The following CREB3L4 variants were observed in gnomAD, a reference collection of about 807,000 sequenced individuals.
The protein encoded by CREB3L4 is cAMP responsive element binding protein 3 like 4.
In CREB3L4, 28 loss-of-function variants were observed where a neutral mutation model predicts 37.0. That is an observed-to-expected ratio of 0.76 (90% CI 0.56 to 1.04). The LOEUF (loss-of-function observed/expected upper bound fraction) is 1.04. Among genes scored for constraint, CREB3L4 ranks in the 50% least tolerant of loss-of-function variants. CREB3L4 has a pLI of 0.00. For missense variants in CREB3L4, 462 were observed against 486.0 expected, an observed-to-expected ratio of 0.95 and a Z score of 0.46; for synonymous variants, 175 against 192.2, an observed-to-expected ratio of 0.91 and a Z score of 0.74.
chr1:153,973,762 G>A, intron 9 of CREB3L4, 46 bp downstream of exon 9: 1 of 1,558,576 alleles, frequency 6.4e-7, no homozygotes. Flanking sequence ...GCAAGGGAGG[G>A]GGACTCTGTT....
Position 153,973,026 on chromosome 1 carries a change from G to A in CREB3L4, c.691G>A (p.Ala231Thr), listed in dbSNP as rs138766752. The A allele has an allele frequency of 7.6e-5, 122 of 1,614,064 alleles. No individual in the cohort carries two copies. The highest frequency in any genetic ancestry group is 9.7e-5 in the Non-Finnish European group (114 of 1,180,050). ...VRRKIRNKQS[A>T]QDSRRRKKEY... ...GAGGAAAATCCGTAACAAGCAGTCA[G>A]CTCAGGACAGTCGGCGGCGGAAGAA... is the stretch of plus-strand genomic sequence containing the variant. Residue 231 changes from alanine (A) to threonine (T), a missense_variant, in exon 6 of 10, where the codon GCT (alanine) becomes ACT (threonine). Ala to Thr is a moderately conservative substitution (Grantham distance 58, BLOSUM62 0). Transcript: ENST00000368607.
chr1:153,968,921 C>T lies in CREB3L4; in HGVS notation c.175-9C>T, dbSNP rs757762343. 1 of 1,596,244 alleles carries T rather than the reference C, an allele frequency of 6.3e-7. No individual in the cohort carries two copies. On this transcript the variant is annotated splice_polypyrimidine_tract_variant and intron_variant, in intron 2 of 9. Transcript: ENST00000368607. The stretch of plus-strand genomic sequence containing the variant: ...CCCTGCACATATATATAACCTTTTC[C>T]TACTGTAGGGCCTTCAAGAGAGTGA...
In CREB3L4 at chr1:153,968,532, C is replaced by T. The variant is rs1433459539; in HGVS notation, c.7C>T (p.Leu3Phe). The change falls in exon 2 of 10, where the codon CTC becomes TTC. Residue 3 changes from leucine to phenylalanine, a missense_variant. By Grantham distance (22) the Leu-to-Phe change is conservative. Transcript: ENST00000368607. MDLGIPDLLDAWL... is the reference protein window; with the variant it reads MDFGIPDLLDAWL... The stretch of plus-strand genomic sequence containing the variant: ...CACGCCTTCCTGCAGAAGCATGGAT[C>T]TCGGAATCCCTGACCTGCTGGACGC... 5.6e-6 allele frequency: 9 copies of T among 1,612,998 alleles called. No homozygotes were observed. Among genetic ancestry groups the T allele is most frequent in the Non-Finnish European group, 7.6e-6 (9 of 1,179,346 alleles).
chr1:153,973,900 G>A lies in CREB3L4; in HGVS notation c.1023G>A (p.Lys341=). 1.2e-6 allele frequency: 2 copies of A among 1,614,156 alleles called. No homozygotes were observed. Among genetic ancestry groups the A allele is most frequent in the Non-Finnish European group, 1.7e-6 (2 of 1,180,030 alleles). ...CTTCCAGAAATATCCTGACCCACAA[G>A]GACGTAACAGAAAATCTGGAGACCC... The part of the protein sequence containing the change: ...GVTSRNILTH[K]DVTENLETQV... Residue 341 remains lysine, a synonymous_variant, in exon 10 of 10, where the codon AAG becomes AAA. Coordinates refer to ENST00000368607, the MANE Select transcript of CREB3L4 (RefSeq NM_001255978.2).
chr1:153,968,326 G>C (rs576723905), intron 1 of CREB3L4, 162 bp downstream of exon 1: 21 of 556,240 alleles, frequency 3.8e-5, no homozygotes, highest in African/African-American at 3.5e-4. Context: ...GCTTGGGGGG[G>C]GCCTCTTTGT....
chr1:153,969,330 C>G lies in CREB3L4; in HGVS notation c.422-4C>G. ...TTCTCCCAGCTACCTGTTTTCTACT[C>G]CAGATCAGTGGAGCCCAGCATTTAT... On this transcript the variant is annotated splice_region_variant and splice_polypyrimidine_tract_variant and intron_variant, in intron 3 of 9. Coordinates refer to ENST00000368607, the MANE Select transcript of CREB3L4 (RefSeq NM_001255978.2). 2 of 1,614,218 alleles carry G rather than the reference C, an allele frequency of 1.2e-6. No individual in the cohort carries two copies. Among genetic ancestry groups the G allele is most frequent in the South Asian group, 1.1e-5 (1 of 91,078 alleles).
chr1:153,968,462 G>A lies in CREB3L4; in HGVS notation c.-4-60G>A, dbSNP rs529809597. 1.5e-5 allele frequency: 22 copies of A among 1,507,488 alleles called. No homozygotes were observed. In the East Asian group the frequency reaches 4.8e-4, roughly 33 times the overall value. 93.4% of individuals were successfully genotyped at this position (1,507,488 alleles called of 1,614,324 possible). A position where few individuals can be genotyped will look rare whatever the true frequency, so the allele number is the denominator to read the frequency against. Reference sequence around the variant, plus strand: ...AGCAGAGGAGCCCAGAAACTGTAGGGGGTAGTAAGCAGCCATCATTCCGTT... The same window carrying A: ...AGCAGAGGAGCCCAGAAACTGTAGGAGGTAGTAAGCAGCCATCATTCCGTT... On this transcript the variant is annotated intron_variant, in intron 1 of 9. Coordinates refer to ENST00000368607, the MANE Select transcript of CREB3L4 (RefSeq NM_001255978.2).
intron 2 of CREB3L4, 81 bp downstream of exon 2, chr1:153,968,780 G>T: frequency 6.3e-7 from 1 of 1,576,342 alleles, no homozygotes; most frequent in Non-Finnish European, 8.7e-7. Context: ...TTGGAGACAG[G>T]TCTGAAAACA....
chr1:153,973,294 T>C (rs375058517), intron 7 of CREB3L4, 31 bp downstream of exon 7: 1 of 1,612,732 alleles, frequency 6.2e-7, no homozygotes, highest in African/African-American at 1.3e-5. Context: ...TGTATGTGTG[T>C]TTTGAAGGCA....
chr1:153,971,879 G>A (rs1163654789), intron 4 of CREB3L4, among the ~76,000 whole-genome samples: 2 of 152,210 alleles, frequency 1.3e-5, no homozygotes, highest in Admixed American at 6.5e-5. Context: ...CTGGAGTGCA[G>A]TGGTGCAATC....
At chr1:153,971,910 C>T (rs555153354) in intron 4 of CREB3L4, among the ~76,000 whole-genome samples, 8 of 152,200 alleles carry the variant, frequency 5.3e-5, no homozygotes, top group Middle Eastern at 6.8e-3. Flanking sequence ...GCAACCTCCA[C>T]CTCCCGGGTT....
At chr1:153,971,228 C>T (rs1378331984) in intron 4 of CREB3L4, among the ~76,000 whole-genome samples, 1 of 151,580 alleles carries the variant, frequency 6.6e-6, no homozygotes, top group Non-Finnish European at 1.5e-5. Context: ...ATTAGCTGGG[C>T]ATGGTGGCGG....
chr1:153,973,265 T>A lies in CREB3L4; in HGVS notation c.812+2T>A. On this transcript the variant is annotated splice_donor_variant, in intron 7 of 9. Transcript: ENST00000368607. LOFTEE classifies it high-confidence loss of function. Reference sequence around the variant, plus strand: ...CCAGGAGCTGGAGAGGCACAACATGTGAGTGAAAGCATTGTGTGTGTATGT... The same window carrying A: ...CCAGGAGCTGGAGAGGCACAACATGAGAGTGAAAGCATTGTGTGTGTATGT... 6.2e-7 allele frequency: 1 copy of A among 1,613,982 alleles called. No homozygotes were observed. Among genetic ancestry groups the A allele is most frequent in the Non-Finnish European group, 8.5e-7 (1 of 1,179,918 alleles).
At chr1:153,969,974 G>T (rs975133121) in intron 4 of CREB3L4, among the ~76,000 whole-genome samples, 15 of 149,446 alleles carry the variant, frequency 1.0e-4, no homozygotes, top group Non-Finnish European at 5.9e-5. Context: ...TGTCACCCAG[G>T]CTGGAGTGTG....
At chr1:153,971,419 T>C (rs1648356501) in intron 4 of CREB3L4, among the ~76,000 whole-genome samples, 1 of 151,340 alleles carries the variant, frequency 6.6e-6, no homozygotes, top group Non-Finnish European at 1.5e-5. Context: ...AGAAGCACCA[T>C]GGTGTTTGTA....
chr1:153,970,503 A>T (rs1020636348), intron 4 of CREB3L4, among the ~76,000 whole-genome samples: 1 of 152,224 alleles, frequency 6.6e-6, no homozygotes, highest in Non-Finnish European at 1.5e-5. Context: ...ACAGTTGCCC[A>T]GGAGGCACCC....
At chr1:153,968,727 G>A in intron 2 of CREB3L4, 28 bp downstream of exon 2, 1 of 1,613,118 alleles carries the variant, frequency 6.2e-7, no homozygotes, top group South Asian at 1.1e-5. Flanking sequence ...GAGTGGGGGT[G>A]GGGTTGAGAC....
chr1:153,969,272 C>A, intron 3 of CREB3L4, 62 bp from the exon 4 acceptor site: 1 of 1,614,038 alleles, frequency 6.2e-7, no homozygotes, highest in Non-Finnish European at 8.5e-7. Context: ...ACTACCCAGG[C>A]CCTGCGGCTG....
chr1:153,969,034 G>A lies in CREB3L4; in HGVS notation c.279G>A (p.Glu93=). The change falls in exon 3 of 10, where the codon GAG becomes GAA. Residue 93 remains glutamate (E), a synonymous_variant. Transcript: ENST00000368607. ...ASPGSDSGIS[E]DPCHPDSPPA... ...CTGGCAGTGACAGTGGCATCTCTGA[G>A]GACCCCTGCCATCCAGACAGTCCCC... The A allele has an allele frequency of 6.2e-7, 1 of 1,614,184 alleles. No individual in the cohort carries two copies. Among genetic ancestry groups the A allele is most frequent in the Non-Finnish European group, 8.5e-7 (1 of 1,180,026 alleles).
Sources: allele counts gnomAD v4.1 joint callset (sites outside exome capture counted in the v4.1 genomes callset), GRCh38; gene constraint gnomAD v4.1.1; transcripts MANE v1.5; gene names NCBI Gene and HGNC (gene_info 2026-07-23, HGNC 2026-07-21).